CSMD3: variants seen among roughly 807,000 people sequenced by gnomAD.
The protein encoded by CSMD3 is CUB and Sushi multiple domains 3.
In CSMD3, 177 loss-of-function variants were observed where a neutral mutation model predicts 435.2. The ratio of observed to expected loss-of-function variants is 0.41; its 90% CI spans 0.36 to 0.46. The LOEUF is 0.46. CSMD3 is among the 20% of genes least tolerant of loss of function. The probability of loss-of-function intolerance (pLI) is 0.34; values close to 1 mark genes in which losing one functional copy is unlikely to be tolerated. For missense variants in CSMD3, 4,265 were observed against 4,504.6 expected (o/e 0.95, Z 1.52); for synonymous variants, 1,656 against 1,520.5 (o/e 1.09, Z -2.07).
chr8:112,719,100 A>T (rs1204516394), intron 13 of CSMD3, among the ~76,000 whole-genome samples: 1 of 152,172 alleles, frequency 6.6e-6, no homozygotes, highest in Non-Finnish European at 1.5e-5. Context: ...ATGTAAAAAA[A>T]TTTCATTAGA....
chr8:113,167,580 G>A (rs1166997916), intron 4 of CSMD3, among the ~76,000 whole-genome samples: 1 of 152,134 alleles, frequency 6.6e-6, no homozygotes, highest in Non-Finnish European at 1.5e-5. Flanking sequence ...CAAGATTAAG[G>A]TGCATGATAG....
chr8:113,269,460 A>T lies in CSMD3; in HGVS notation c.514+9132T>A, dbSNP rs1365694349. ...TCTTCACAGAATTGGAAAAAACGAC[A>T]TTACAGTTCATATGGAACCAAAAAA... On this transcript the variant is annotated intron_variant, in intron 3 of 70. Transcript: ENST00000297405. 6.6e-5 allele frequency among the ~76,000 whole-genome samples: 10 copies of T among 152,080 alleles called. 1 individual carries two copies. In the South Asian group the frequency reaches 1.9e-3, roughly 28 times the overall value.
At chr8:112,233,600 T>C (rs573100816) in intron 68 of CSMD3, among the ~76,000 whole-genome samples, 96 of 152,310 alleles carry the variant, frequency 6.3e-4, no homozygotes, top group South Asian at 2.5e-3. Flanking sequence ...TGAAGGCTTA[T>C]TGAAACTTAT....
chr8:112,224,341 C>A lies in CSMD3; in HGVS notation c.*430G>T, dbSNP rs2129749036. The A allele has an allele frequency of 4.7e-6, 1 of 214,576 alleles. No homozygotes were observed. The highest frequency in any genetic ancestry group is 1.1e-4 in the East Asian group (1 of 8,902). 13.3% of individuals were successfully genotyped at this position (214,576 alleles called of 1,614,324 possible). ...AGACAGATTTGTGGGCGTGATGTAG[C>A]TCAGGACAGTTAAAGAGAAGTCAGT... is the stretch of plus-strand genomic sequence containing the variant. On this transcript the variant is annotated 3_prime_UTR_variant, in exon 71 of 71. Coordinates refer to ENST00000297405, the MANE Select transcript of CSMD3 (RefSeq NM_198123.2).
chr8:112,692,039 A>G (rs2076148206), intron 13 of CSMD3, among the ~76,000 whole-genome samples: 2 of 151,870 alleles, frequency 1.3e-5, no homozygotes, highest in Admixed American at 1.3e-4. Flanking sequence ...CTGACCTCAA[A>G]TCATTCGCCC....
At chr8:113,083,875 G>T (rs11997685) in intron 5 of CSMD3, among the ~76,000 whole-genome samples, 2 of 151,832 alleles carry the variant, frequency 1.3e-5, no homozygotes, top group African/African-American at 4.8e-5. Flanking sequence ...TCAGAAGGCT[G>T]ATACAGGAGA....
At chr8:112,260,239 C>G (rs1191209187) in intron 61 of CSMD3, among the ~76,000 whole-genome samples, 1 of 152,148 alleles carries the variant, frequency 6.6e-6, no homozygotes, top group Non-Finnish European at 1.5e-5. Context: ...CTTAAGTATA[C>G]CTTCTCTGAA....
At chr8:112,294,500 T>G (rs1453314381) in intron 54 of CSMD3, among the ~76,000 whole-genome samples, 1 of 152,118 alleles carries the variant, frequency 6.6e-6, no homozygotes, top group Non-Finnish European at 1.5e-5. Context: ...AGATCCAAAG[T>G]AGGATAGATT....
intron 1 of CSMD3, among the ~76,000 whole-genome samples, chr8:113,333,324 C>T (rs1356822066): frequency 6.6e-6 from 1 of 151,660 alleles, no homozygotes. Context: ...ATGGATCCTG[C>T]TTTGCTATAA....
At chr8:112,960,052 C>T (rs2084170170) in intron 7 of CSMD3, among the ~76,000 whole-genome samples, 1 of 151,892 alleles carries the variant, frequency 6.6e-6, no homozygotes, top group Non-Finnish European at 1.5e-5. Flanking sequence ...TCAGAATTAT[C>T]AGTTCTATTC....
chr8:112,306,521 C>T (rs1295561077), intron 50 of CSMD3, among the ~76,000 whole-genome samples: 1 of 152,088 alleles, frequency 6.6e-6, no homozygotes, highest in Non-Finnish European at 1.5e-5. Flanking sequence ...AAGAGTATCT[C>T]TAATGCAAGC....
rs1586227272 is a variant in CSMD3, at chr8:112,409,029, A to G, written c.5399T>C (p.Val1800Ala). 5 of 1,613,428 alleles carry G rather than the reference A, an allele frequency of 3.1e-6. No individual in the cohort carries two copies. Among genetic ancestry groups the G allele is most frequent in the Admixed American group, 1.7e-5 (1 of 59,908 alleles). Reference protein sequence around the residue: ...YSIAVPKEFVVFGQFVFFQTS... With the variant: ...YSIAVPKEFVAFGQFVFFQTS... ...CTGGAAAAATACAAACTGGCCAAAC[A>G]CCACTGATCAACAGGAACCCGGAGA... The change falls in exon 33 of 71, where the codon GTG (valine) becomes GCG (alanine). Residue 1800 changes from valine (V) to alanine (A), a missense_variant. Physicochemically the swap from Val to Ala is moderately conservative, Grantham distance 64 (BLOSUM62 0). Coordinates refer to ENST00000297405, the MANE Select transcript of CSMD3 (RefSeq NM_198123.2).
intron 3 of CSMD3, among the ~76,000 whole-genome samples, chr8:113,219,688 TATA>T (rs1336306709): frequency 1.3e-5 from 2 of 151,440 alleles, no homozygotes; most frequent in African/African-American, 4.8e-5. Flanking sequence ...AATGTAAAGC[TATA>T]TAATAACTGA....
intron 16 of CSMD3, among the ~76,000 whole-genome samples, chr8:112,676,387 A>G (rs1247038134): frequency 1.3e-5 from 2 of 152,144 alleles, no homozygotes; most frequent in African/African-American, 4.8e-5. Flanking sequence ...CCAGGAAAGG[A>G]GACTAAAATG....
intron 6 of CSMD3, among the ~76,000 whole-genome samples, chr8:113,001,009 C>T (rs751470409): frequency 7.9e-5 from 12 of 151,902 alleles, no homozygotes; most frequent in Non-Finnish European, 1.8e-4. Flanking sequence ...TTCAGAATTG[C>T]TCATAATTTC....
chr8:113,288,895 T>C (rs1280842272), intron 2 of CSMD3, among the ~76,000 whole-genome samples: 4 of 151,850 alleles, frequency 2.6e-5, no homozygotes, highest in Non-Finnish European at 5.9e-5. Flanking sequence ...TTAATTGGGA[T>C]AATGCTTGTA....
chr8:113,256,135 GA>G (rs948776243), intron 3 of CSMD3, among the ~76,000 whole-genome samples: 1 of 149,226 alleles, frequency 6.7e-6, no homozygotes, highest in African/African-American at 2.5e-5. Flanking sequence ...ACAGCAGAAA[GA>G]AAAAAAAAGC....
intron 3 of CSMD3, among the ~76,000 whole-genome samples, chr8:113,186,242 G>A (rs2092499690): frequency 6.6e-6 from 1 of 151,840 alleles, no homozygotes; most frequent in African/African-American, 2.4e-5. Flanking sequence ...AATAAGATAG[G>A]TTTCTATTGC....
intron 13 of CSMD3, among the ~76,000 whole-genome samples, chr8:112,773,881 G>C (rs2078182243): frequency 6.6e-6 from 1 of 151,960 alleles, no homozygotes; most frequent in Non-Finnish European, 1.5e-5. Context: ...TAGTAACATA[G>C]GGGAACTCTG....
Sources: allele counts gnomAD v4.1 joint callset (sites outside exome capture counted in the v4.1 genomes callset), GRCh38; gene constraint gnomAD v4.1.1; transcripts MANE v1.5; gene names NCBI Gene and HGNC (gene_info 2026-07-23, HGNC 2026-07-21).